The following KIF19 variants were observed in gnomAD, a reference collection of about 807,000 sequenced individuals.
KIF19 encodes the protein kinesin family member 19, also known as kinesin-like protein KIF19.
Under a neutral mutation model 106.6 loss-of-function variants are expected in KIF19, and 98 were observed. The ratio of observed to expected loss-of-function variants is 0.92; its 90% confidence interval spans 0.78 to 1.09. The LOEUF (loss-of-function observed/expected upper bound fraction) is 1.09. Ranked by LOEUF, KIF19 falls within the 50% of genes least tolerant of loss-of-function variation. The probability of loss-of-function intolerance (pLI) is 0.00; values close to 1 mark genes in which losing one functional copy is unlikely to be tolerated. For synonymous variants in KIF19, 516 were observed against 584.2 expected, an observed-to-expected ratio of 0.88 and a Z score of 1.68; for missense variants, 1,373 against 1,414.3, an observed-to-expected ratio of 0.97 and a Z score of 0.47.
chr17:74,349,142 G>A, intron 9 of KIF19, 42 bp from the exon 10 acceptor site: 1 of 1,610,950 alleles, frequency 6.2e-7, no homozygotes, highest in East Asian at 2.2e-5. Flanking sequence ...GAGTGCACCT[G>A]GGGTGACTGC....
At chr17:74,338,408 C>T (rs2054275210) in intron 2 of KIF19, among the ~76,000 whole-genome samples, 1 of 152,256 alleles carries the variant, frequency 6.6e-6, no homozygotes, top group Middle Eastern at 3.4e-3. Flanking sequence ...GGCCAGCTGG[C>T]AGGGAGCCTG....
chr17:74,342,323 C>G (rs756606901), intron 3 of KIF19, among the ~76,000 whole-genome samples: 2 of 152,298 alleles, frequency 1.3e-5, no homozygotes, highest in East Asian at 3.9e-4. Context: ...ACACCCTCCT[C>G]GAGGACCCCC....
chr17:74,329,767 GT>G (rs2054022892), intron 2 of KIF19, among the ~76,000 whole-genome samples: 1 of 152,228 alleles, frequency 6.6e-6, no homozygotes. Flanking sequence ...AGGCACAGTG[GT>G]GGGGGCAACA....
chr17:74,342,668 G>C lies in KIF19; in HGVS notation c.270G>C (p.Glu90Asp). ...VYQATTKSLI[E>D]GVISGYNATV... ...AGGCCACCACCAAGAGCCTCATCGA[G>C]GGCGTCATCTCAGGCTACAATGCCA... Residue 90 changes from glutamate to aspartate, a missense_variant, in exon 4 of 20, where the codon GAG (glutamate) becomes GAC (aspartate). By Grantham distance (45) the Glu-to-Asp change is conservative. Coordinates refer to ENST00000389916, the MANE Select transcript of KIF19 (RefSeq NM_153209.4). 2 of 1,613,670 alleles carry C rather than the reference G, an allele frequency of 1.2e-6. No homozygotes were observed. Among genetic ancestry groups the C allele is most frequent in the Non-Finnish European group, 8.5e-7 (1 of 1,179,844 alleles).
intron 18 of KIF19, 62 bp from the exon 19 acceptor site, chr17:74,354,720 C>T: frequency 1.3e-6 from 2 of 1,531,530 alleles, no homozygotes; most frequent in Non-Finnish European, 8.8e-7. Context: ...GTAGCTGGGA[C>T]AGATCCTGGT....
At chr17:74,352,191 T>G (rs2054732392) in intron 13 of KIF19, 28 bp from the exon 14 acceptor site, 1 of 1,594,570 alleles carries the variant, frequency 6.3e-7, no homozygotes, top group African/African-American at 1.3e-5. Flanking sequence ...CCGCTGGCAC[T>G]CACTGAGCCC....
At position 74,353,237 on chromosome 17, in the gene KIF19, A is replaced by G. The variant is rs2054770575; in HGVS notation, c.2156A>G (p.Gln719Arg). Reference protein sequence around the residue: ...HVFKAGTGAWQAKSSSVPTPP... With the variant: ...HVFKAGTGAWRAKSSSVPTPP... ...TTCAAGGCTGGTACTGGGGCCTGGC[A>G]GGCAAAAAGCTCCTCTGTGCCCACC... Residue 719 changes from glutamine (Q) to arginine (R), a missense_variant, in exon 16 of 20, where the codon CAG (glutamine) becomes CGG (arginine). This residue lies in a region of KIF19 where 1,020 missense variants were observed against 1,008.2 expected (regional missense o/e 1.01). Coordinates refer to ENST00000389916, the MANE Select transcript of KIF19 (RefSeq NM_153209.4). 2.5e-6 allele frequency: 4 copies of G among 1,588,406 alleles called. No individual in the cohort carries two copies. The Admixed American group carries it at 7.1e-5, about 28-fold the overall frequency.
intron 2 of KIF19, among the ~76,000 whole-genome samples, chr17:74,330,583 G>A (rs1269903073): frequency 6.6e-6 from 1 of 152,192 alleles, no homozygotes; most frequent in Non-Finnish European, 1.5e-5. Flanking sequence ...TGCTACTCCT[G>A]GCTCCTGGCC....
In KIF19 at chr17:74,349,472, C is replaced by T; in HGVS notation, c.1213+123C>T. On this transcript the variant is annotated intron_variant, in intron 10 of 19. Transcript: ENST00000389916. ...TTTCTGGCTGGGTGGTTGAGCTAGG[C>T]ACTCACCAGCTCTGAGCCTCCTAGC... The T allele has an allele frequency of 1.1e-5, 10 of 924,010 alleles. 1 individual carries two copies. The South Asian group carries it at 1.2e-4, about 11-fold the overall frequency. 57.2% of individuals were successfully genotyped at this position (924,010 alleles called of 1,614,324 possible).
At chr17:74,339,628 G>A (rs965131696) in intron 2 of KIF19, among the ~76,000 whole-genome samples, 6 of 148,700 alleles carry the variant, frequency 4.0e-5, no homozygotes, top group East Asian at 1.9e-4. Flanking sequence ...TGAGGCTGCC[G>A]TCATGCACTC....
intron 17 of KIF19, among the ~76,000 whole-genome samples, chr17:74,353,820 A>G (rs1427845899): frequency 6.6e-6 from 1 of 152,178 alleles, no homozygotes; most frequent in Non-Finnish European, 1.5e-5. Context: ...TAGAAAAGAG[A>G]CATGTGGCAT....
chr17:74,327,669 C>T (rs569466409), intron 1 of KIF19, among the ~76,000 whole-genome samples: 136 of 152,230 alleles, frequency 8.9e-4, no homozygotes, highest in African/African-American at 2.7e-3. Context: ...GACGGTGTTT[C>T]GCCGTGTTGG....
intron 2 of KIF19, 45 bp from the exon 3 acceptor site, chr17:74,341,831 C>A (rs774206188): frequency 7.1e-7 from 1 of 1,399,596 alleles, no homozygotes; most frequent in Non-Finnish European, 1.0e-6. Context: ...CATCAGGGCC[C>A]GGGGTTCCCA....
chr17:74,355,081 C>T (rs2054841866), intron 19 of KIF19, 101 bp from the exon 20 acceptor site: 1 of 1,541,482 alleles, frequency 6.5e-7, no homozygotes, highest in South Asian at 1.2e-5. Context: ...GGACTGGCAT[C>T]CTGGGGTGGT....
In KIF19 at chr17:74,343,151, C is replaced by G; in HGVS notation, c.447C>G (p.Ser149=). ...SNDMEYEVSM[S]YLEIYNEMIR... Reference sequence around the variant, plus strand: ...ACATGGAGTATGAGGTCTCCATGTCCTACCTGGAGGTGAGTCCCCCAGCCT... The same window carrying G: ...ACATGGAGTATGAGGTCTCCATGTCGTACCTGGAGGTGAGTCCCCCAGCCT... The change falls in exon 5 of 20, where the codon TCC becomes TCG. Residue 149 remains serine, a synonymous_variant. Coordinates refer to ENST00000389916, the MANE Select transcript of KIF19 (RefSeq NM_153209.4). 6.2e-7 allele frequency: 1 copy of G among 1,612,552 alleles called. No individual in the cohort carries two copies. The highest frequency in any genetic ancestry group is 8.5e-7 in the Non-Finnish European group (1 of 1,179,722).
intron 2 of KIF19, among the ~76,000 whole-genome samples, chr17:74,339,075 C>T (rs373527006): frequency 6.6e-6 from 1 of 151,964 alleles, no homozygotes; most frequent in East Asian, 1.9e-4. Context: ...CCTCCTTGGA[C>T]AGTATCTTAT....
At chr17:74,353,620 C>G in intron 17 of KIF19, 39 bp downstream of exon 17, 1 of 1,499,564 alleles carries the variant, frequency 6.7e-7, no homozygotes. Flanking sequence ...CTCACCTGGC[C>G]TTGTCTAAAC....
intron 10 of KIF19, 68 bp from the exon 11 acceptor site, chr17:74,350,333 G>C: frequency 6.9e-7 from 1 of 1,444,794 alleles, no homozygotes. Flanking sequence ...GAGGGGCCCA[G>C]GTGGGCCCAG....
At chr17:74,336,339 G>A (rs2054219782) in intron 2 of KIF19, among the ~76,000 whole-genome samples, 2 of 152,138 alleles carry the variant, frequency 1.3e-5, no homozygotes, top group African/African-American at 4.8e-5. Context: ...GATTACAGGC[G>A]TGAGCCACCA....
Sources: allele counts gnomAD v4.1 joint callset (sites outside exome capture counted in the v4.1 genomes callset), GRCh38; gene constraint gnomAD v4.1.1; regional missense constraint gnomAD v4.1.1; transcripts MANE v1.5; gene names NCBI Gene and HGNC (gene_info 2026-07-23, HGNC 2026-07-21).